STARD9: variants seen among roughly 807,000 people sequenced by gnomAD.
STARD9 encodes the protein stAR-related lipid transfer protein 9.
In STARD9, 346 loss-of-function variants were observed where a neutral mutation model predicts 399.8. The ratio of observed to expected loss-of-function variants is 0.87; its 90% confidence interval spans 0.79 to 0.95. The LOEUF (loss-of-function observed/expected upper bound fraction) is 0.95. Ranked by LOEUF, STARD9 falls within the 40% of genes least tolerant of loss-of-function variation. STARD9 has a pLI of 0.00. For missense variants in STARD9, 5,832 were observed against 5,667.5 expected (o/e 1.03, Z -0.93); for synonymous variants, 2,203 against 2,143.5 (o/e 1.03, Z -0.77).
intron 16 of STARD9, among the ~76,000 whole-genome samples, chr15:42,673,585 G>A (rs1454629376): frequency 6.6e-6 from 1 of 152,120 alleles, no homozygotes; most frequent in Non-Finnish European, 1.5e-5. Flanking sequence ...TCAATAAAAA[G>A]GAGATGTTAA....
At chr15:42,610,003 G>C (rs1249727824) in intron 3 of STARD9, among the ~76,000 whole-genome samples, 2 of 152,104 alleles carry the variant, frequency 1.3e-5, no homozygotes, top group African/African-American at 4.8e-5. Flanking sequence ...TGAGGCAGGA[G>C]AATCACTTGA....
In STARD9 at chr15:42,669,141, C is replaced by A. The variant is rs557768767; in HGVS notation, c.1318-17C>A. On this transcript the variant is annotated splice_polypyrimidine_tract_variant and intron_variant, in intron 15 of 32. Transcript: ENST00000290607. Reference sequence around the variant, plus strand: ...CCCCATGCTGAGTGTCTCAGATCACCTCCTATACCTCTGCAGATAGACCAG... The same window carrying A: ...CCCCATGCTGAGTGTCTCAGATCACATCCTATACCTCTGCAGATAGACCAG... 3.4e-5 allele frequency: 51 copies of A among 1,516,928 alleles called. No individual in the cohort carries two copies. Among genetic ancestry groups the A allele is most frequent in the Non-Finnish European group, 4.4e-5 (50 of 1,130,706 alleles). 94.0% of individuals were successfully genotyped at this position (1,516,928 alleles called of 1,614,324 possible). A position where few individuals can be genotyped will look rare whatever the true frequency, so the allele number is the denominator to read the frequency against.
chr15:42,688,633 C>T lies in STARD9; in HGVS notation c.7055C>T (p.Ala2352Val), dbSNP rs1424832874. 5 of 1,537,584 alleles carry T rather than the reference C, an allele frequency of 3.3e-6. No homozygotes were observed. The East Asian group carries it at 1.2e-4, about 38-fold the overall frequency. The change falls in exon 23 of 33, where the codon GCT becomes GTT. Residue 2352 changes from alanine to valine, a missense_variant. By Grantham distance (64) the Ala-to-Val change is moderately conservative. Transcript: ENST00000290607. ...AGAAGGTGTCTTCATGTACCTGTTGCTCTAGGCATCTCTTCACTTGACTGT... is the reference window on the plus strand; with the variant it reads ...AGAAGGTGTCTTCATGTACCTGTTGTTCTAGGCATCTCTTCACTTGACTGT... ...WPRRCLHVPVALGISSLDCVL... is the reference protein window; with the variant it reads ...WPRRCLHVPVVLGISSLDCVL...
At chr15:42,609,099 C>T (rs1441876996) in intron 3 of STARD9, among the ~76,000 whole-genome samples, 3 of 152,020 alleles carry the variant, frequency 2.0e-5, no homozygotes, top group African/African-American at 7.3e-5. Context: ...CCTGGGACTG[C>T]TGCTCTTTTG....
Position 42,686,015 on chromosome 15 carries a change from C to G in STARD9, c.4437C>G (p.Thr1479=). ...CCACCTTGACTCATGTAGGCAGCAC[C>G]CATGAAAGGGATTGGTCTGCCCTTC... ...SATTLTHVGS[T]HERDWSALQQ... is the part of the protein sequence containing the mutation. Residue 1479 remains threonine (T), a synonymous_variant, in exon 23 of 33, where the codon ACC becomes ACG. Coordinates refer to ENST00000290607, the MANE Select transcript of STARD9 (RefSeq NM_020759.3). 6.5e-7 allele frequency: 1 copy of G among 1,537,310 alleles called. No individual in the cohort carries two copies. The highest frequency in any genetic ancestry group is 8.7e-7 in the Non-Finnish European group (1 of 1,146,918).
At position 42,689,224 on chromosome 15, in the gene STARD9, T is replaced by C. The variant is rs1164158917; in HGVS notation, c.7646T>C (p.Leu2549Pro). The C allele has an allele frequency of 6.5e-7, 1 of 1,537,162 alleles. No homozygotes were observed. The highest frequency in any genetic ancestry group is 1.4e-5 in the African/African-American group (1 of 73,052). The stretch of plus-strand genomic sequence containing the variant: ...CCCTCTGACCATGCATCCATGTGCC[T>C]GGCCATCTTGGAGGAGATCAGACAG... ...LEPSDHASMC[L>P]AILEEIRQAK... Residue 2549 changes from leucine (L) to proline (P), a missense_variant, in exon 23 of 33, where the codon CTG becomes CCG. Leu to Pro is a moderately conservative substitution (Grantham distance 98). Around this residue, in one of 2 missense-constraint regions of STARD9, gnomAD observed 5,828 missense variants for 5,651.1 expected, o/e 1.03. Coordinates refer to ENST00000290607, the MANE Select transcript of STARD9 (RefSeq NM_020759.3).
chr15:42,597,248 A>G lies in STARD9; in HGVS notation c.234+11611A>G, dbSNP rs146135977. ...GTAGCTGGGACCTTAAGTGTGTACT[A>G]CTACTCTTGGATAATTTTGTAATGC... is the stretch of plus-strand genomic sequence containing the variant. On this transcript the variant is annotated intron_variant, in intron 3 of 32. Coordinates refer to ENST00000290607, the MANE Select transcript of STARD9 (RefSeq NM_020759.3). Among the ~76,000 whole-genome samples the G allele has an allele frequency of 4.8e-3, 735 of 152,230 alleles. 4 individuals are homozygous for G. The highest frequency in any genetic ancestry group is 0.034 in the Middle Eastern group (10 of 294).
At chr15:42,606,093 A>G (rs567128905) in intron 3 of STARD9, among the ~76,000 whole-genome samples, 3 of 152,184 alleles carry the variant, frequency 2.0e-5, no homozygotes, top group Admixed American at 6.5e-5. Flanking sequence ...AAGGGAGAAA[A>G]GAAAATAGCA....
In STARD9 at chr15:42,691,837, A is replaced by C; in HGVS notation, c.10259A>C (p.Asp3420Ala). 6.5e-7 allele frequency: 1 copy of C among 1,537,236 alleles called. No homozygotes were observed. The highest frequency in any genetic ancestry group is 8.7e-7 in the Non-Finnish European group (1 of 1,146,900). The part of the protein sequence containing the change: ...PSTLSHMPTP[D>A]FTTSWMSGTL... ...ACTCTCTCACACATGCCAACCCCTGATTTCACGACCAGCTGGATGTCTGGT... is the reference window on the plus strand; with the variant it reads ...ACTCTCTCACACATGCCAACCCCTGCTTTCACGACCAGCTGGATGTCTGGT... The change falls in exon 23 of 33, where the codon GAT becomes GCT. Residue 3420 changes from aspartate (D) to alanine (A), a missense_variant. This residue lies in a region of STARD9 where 5,828 missense variants were observed against 5,651.1 expected (regional missense o/e 1.03). Transcript: ENST00000290607.
chr15:42,619,115 T>C (rs1040034452), intron 3 of STARD9, among the ~76,000 whole-genome samples: 1 of 152,182 alleles, frequency 6.6e-6, no homozygotes, highest in African/African-American at 2.4e-5. Flanking sequence ...TTACATATGG[T>C]AAAGTTTACT....
chr15:42,694,562 C>A lies in STARD9; in HGVS notation c.12799C>A (p.Arg4267=), dbSNP rs373491348. ...GGCCATTGAGACCCTCAGGAGAGAG[C>A]GGGCTGAGCGACTTGGGAACTTCTG... ...KKAIETLRRE[R]AERLGNFCRT... The change falls in exon 24 of 33, where the codon CGG becomes AGG. Residue 4267 remains arginine, a synonymous_variant. Coordinates refer to ENST00000290607, the MANE Select transcript of STARD9 (RefSeq NM_020759.3). 1 of 1,537,158 alleles carries A rather than the reference C, an allele frequency of 6.5e-7. No homozygotes were observed. Among genetic ancestry groups the A allele is most frequent in the South Asian group, 1.2e-5 (1 of 84,044 alleles).
At chr15:42,705,537 G>A (rs1269153753) in intron 26 of STARD9, among the ~76,000 whole-genome samples, 5 of 151,916 alleles carry the variant, frequency 3.3e-5, no homozygotes, top group Non-Finnish European at 7.4e-5. Flanking sequence ...AGGTTCAAGC[G>A]ATTCTTCCTG....
rs1230278198 is a variant in STARD9, at chr15:42,681,522, GATTTGAGGC to G, written c.1978_1986del (p.Leu660_His662del). 7 of 1,537,082 alleles carry G rather than the reference GATTTGAGGC, an allele frequency of 4.6e-6. No individual in the cohort carries two copies. In the East Asian group the frequency reaches 1.7e-4, roughly 38 times the overall value. ...TCAGCAGCAGCAGAGCTACGTAGAG[GATTTGAGGC>G]ATCAAATCCTAGCAGAAGAGATTCG... On this transcript the variant is annotated inframe_deletion, in exon 21 of 33. Coordinates refer to ENST00000290607, the MANE Select transcript of STARD9 (RefSeq NM_020759.3).
At chr15:42,655,855 C>G (rs551080036) in intron 9 of STARD9, among the ~76,000 whole-genome samples, 1 of 152,126 alleles carries the variant, frequency 6.6e-6, no homozygotes, top group African/African-American at 2.4e-5. Flanking sequence ...TATCCAGACT[C>G]TACAAGGAAC....
intron 3 of STARD9, among the ~76,000 whole-genome samples, chr15:42,629,124 A>G (rs913740976): frequency 3.9e-5 from 6 of 152,008 alleles, no homozygotes; most frequent in African/African-American, 9.7e-5. Flanking sequence ...GGTGCAAGCA[A>G]TCCTCCCACC....
chr15:42,707,083 T>G (rs1319730516), intron 26 of STARD9, among the ~76,000 whole-genome samples: 1 of 152,230 alleles, frequency 6.6e-6, no homozygotes, highest in Non-Finnish European at 1.5e-5. Flanking sequence ...TGTTATTACT[T>G]TATACTCCTT....
At chr15:42,676,950 G>T in intron 20 of STARD9, among the ~76,000 whole-genome samples, 1 of 151,986 alleles carries the variant, frequency 6.6e-6, no homozygotes. Context: ...TTGGATACAG[G>T]AGCAGAAGTG....
intron 17 of STARD9, among the ~76,000 whole-genome samples, 161 bp downstream of exon 17, chr15:42,674,652 G>T (rs1005483324): frequency 1.3e-5 from 2 of 152,174 alleles, no homozygotes; most frequent in Non-Finnish European, 2.9e-5. Flanking sequence ...GGACGTCACA[G>T]GGGGAGACCC....
intron 2 of STARD9, among the ~76,000 whole-genome samples, chr15:42,585,042 C>A (rs746030564): frequency 1.3e-5 from 2 of 152,080 alleles, no homozygotes; most frequent in African/African-American, 4.8e-5. Context: ...ATAAAATTAC[C>A]TTCAAGCTAT....
Sources: allele counts gnomAD v4.1 joint callset (sites outside exome capture counted in the v4.1 genomes callset), GRCh38; gene constraint gnomAD v4.1.1; regional missense constraint gnomAD v4.1.1; transcripts MANE v1.5; gene names NCBI Gene and HGNC (gene_info 2026-07-23, HGNC 2026-07-21).